The following SYNE1 variants were observed in gnomAD, a reference collection of about 807,000 sequenced individuals.
SYNE1 encodes the protein spectrin repeat containing nuclear envelope protein 1.
In SYNE1, 616 loss-of-function variants were observed where a neutral mutation model predicts 1,111.0. The ratio of observed to expected loss-of-function variants is 0.55; its 90% confidence interval spans 0.52 to 0.59. SYNE1 has a LOEUF of 0.59. Among genes scored for constraint, SYNE1 ranks in the 20% least tolerant of loss-of-function variants. SYNE1 has a pLI of 0.00. For synonymous variants in SYNE1, 3,855 were observed against 3,825.8 expected (o/e 1.01, Z -0.28); for missense variants, 10,006 against 10,417.0 (o/e 0.96, Z 1.72).
Position 152,268,135 on chromosome 6 carries a change from T to C in SYNE1, c.18736A>G (p.Ser6246Gly), listed in dbSNP as rs2092878722. The change falls in exon 100 of 146, where the codon AGT (serine) becomes GGT (glycine). Residue 6246 changes from serine to glycine, a missense_variant. Transcript: ENST00000367255. ...CGACTGGCTACTGAGCGAAGGAGAC[T>C]CTTCTGCTCGGCTAATTCCTGTTCT... ...ELEQELAEQK[S>G]LLRSVASRGE... 7 of 1,614,036 alleles carry C rather than the reference T, an allele frequency of 4.3e-6. No homozygotes were observed. Among genetic ancestry groups the C allele is most frequent in the African/African-American group, 1.3e-5 (1 of 74,928 alleles).
At chr6:152,476,172 G>T (rs752432858) in intron 14 of SYNE1, among the ~76,000 whole-genome samples, 2 of 152,052 alleles carry the variant, frequency 1.3e-5, no homozygotes, top group Non-Finnish European at 2.9e-5. Flanking sequence ...TCTCCAAGCT[G>T]TACTTCTTCC....
chr6:152,484,850 A>T lies in SYNE1; in HGVS notation c.1170T>A (p.Asp390Glu). The T allele has an allele frequency of 6.2e-7, 1 of 1,613,990 alleles. No homozygotes were observed. Among genetic ancestry groups the T allele is most frequent in the Non-Finnish European group, 8.5e-7 (1 of 1,179,950 alleles). ...LDQALVKQSW[D>E]RVTSRLFDWH... ...GAGAACTTACCCTGGAGGTCACTCTATCCCAAGATTGTTTTACCAATGCTT... is the reference window on the plus strand; with the variant it reads ...GAGAACTTACCCTGGAGGTCACTCTTTCCCAAGATTGTTTTACCAATGCTT... Residue 390 changes from aspartate to glutamate, a missense_variant, in exon 13 of 146, where the codon GAT becomes GAA. Asp to Glu is a conservative substitution (Grantham distance 45). Around this residue, in one of 7 missense-constraint regions of SYNE1, gnomAD observed 1,971 missense variants for 2,084.1 expected, o/e 0.95. Coordinates refer to ENST00000367255, the MANE Select transcript of SYNE1 (RefSeq NM_182961.4).
intron 4 of SYNE1, among the ~76,000 whole-genome samples, chr6:152,534,435 G>A (rs2099223721): frequency 6.6e-6 from 1 of 151,840 alleles, no homozygotes; most frequent in African/African-American, 2.4e-5. Flanking sequence ...AGAATGTTTA[G>A]GGTTGACAAA....
intron 101 of SYNE1, among the ~76,000 whole-genome samples, chr6:152,258,321 C>T (rs1027505246): frequency 6.6e-6 from 1 of 152,148 alleles, no homozygotes; most frequent in Non-Finnish European, 1.5e-5. Flanking sequence ...GTTATGAGCA[C>T]TGAGGAATTT....
intron 6 of SYNE1, among the ~76,000 whole-genome samples, chr6:152,513,967 G>T (rs2154341318): frequency 6.6e-6 from 1 of 152,292 alleles, no homozygotes; most frequent in African/African-American, 2.4e-5. Flanking sequence ...TTATTAAAAA[G>T]TCAGGAAACA....
intron 107 of SYNE1, among the ~76,000 whole-genome samples, chr6:152,240,871 A>G (rs1588523191): frequency 6.6e-6 from 1 of 152,046 alleles, no homozygotes; most frequent in Non-Finnish European, 1.5e-5. Context: ...GCACTGCAGA[A>G]CTCTCCCTCA....
At chr6:152,261,226 G>A (rs2091945580) in intron 101 of SYNE1, among the ~76,000 whole-genome samples, 1 of 152,186 alleles carries the variant, frequency 6.6e-6, no homozygotes, top group African/African-American at 2.4e-5. Context: ...GAGCCTAGAT[G>A]GACGCTGCTA....
In SYNE1 at chr6:152,280,102, C is replaced by G. The variant is rs187325344; in HGVS notation, c.18381+1705G>C. ...GGAAACAGCCTACAAAAATGAAGTGCCCAGACCCACAAAGGACATCACGTG... is the reference window on the plus strand; with the variant it reads ...GGAAACAGCCTACAAAAATGAAGTGGCCAGACCCACAAAGGACATCACGTG... On this transcript the variant is annotated intron_variant, in intron 97 of 145. Transcript: ENST00000367255. 1.6e-3 allele frequency among the ~76,000 whole-genome samples: 241 copies of G among 152,244 alleles called. 1 individual carries two copies. Among genetic ancestry groups the G allele is most frequent in the African/African-American group, 5.5e-3 (229 of 41,550 alleles).
In SYNE1 at chr6:152,239,625, C is replaced by T; in HGVS notation, c.19975G>A (p.Glu6659Lys). ...ATCAGCTCTGTATGGAACTGGGTTTCCTTTTGGACTGCAAAGCTGATTATC... is the reference window on the plus strand; with the variant it reads ...ATCAGCTCTGTATGGAACTGGGTTTTCTTTTGGACTGCAAAGCTGATTATC... ...RKIISFAVQK[E>K]TQFHTELMAQ... is the part of the protein sequence containing the mutation. The change falls in exon 108 of 146, where the codon GAA (glutamate) becomes AAA (lysine). Residue 6659 changes from glutamate to lysine, a missense_variant. Glu to Lys is a moderately conservative substitution (Grantham distance 56). This residue lies in a region of SYNE1 where 2,182 missense variants were observed against 2,287.8 expected (regional missense o/e 0.95). Coordinates refer to ENST00000367255, the MANE Select transcript of SYNE1 (RefSeq NM_182961.4). 3.1e-6 allele frequency: 5 copies of T among 1,614,166 alleles called. No individual in the cohort carries two copies. The highest frequency in any genetic ancestry group is 1.1e-5 in the South Asian group (1 of 91,072).
At chr6:152,495,576 A>G (rs1026074076) in intron 11 of SYNE1, among the ~76,000 whole-genome samples, 2 of 152,102 alleles carry the variant, frequency 1.3e-5, no homozygotes, top group African/African-American at 4.8e-5. Context: ...ACTCATTTCA[A>G]TCACCTGCTC....
chr6:152,232,020 A>T, intron 113 of SYNE1, 96 bp downstream of exon 113: 1 of 937,732 alleles, frequency 1.1e-6, no homozygotes, highest in Admixed American at 1.9e-5. Context: ...GGAAACATAC[A>T]TTCCAAGACT....
chr6:152,453,043 A>G (rs1215397766), intron 25 of SYNE1, among the ~76,000 whole-genome samples: 2 of 152,170 alleles, frequency 1.3e-5, no homozygotes, highest in African/African-American at 4.8e-5. Flanking sequence ...TGGATTTATC[A>G]TATTTATACT....
At chr6:152,161,436 T>C (rs2152997483) in intron 131 of SYNE1, among the ~76,000 whole-genome samples, 1 of 151,780 alleles carries the variant, frequency 6.6e-6, no homozygotes, top group Non-Finnish European at 1.5e-5. Context: ...ATTTTTCATA[T>C]ATTTATCTTT....
rs1235198872 is a variant in SYNE1 at position 152,268,064 on chromosome 6, A to G, written c.18807T>C (p.Gly6269=). The part of the protein sequence containing the change: ...LIQHSAAETS[G]DAGEKPDVLS... ...AGCATTTTGAAACATACCCAGCATC[A>G]CCAGAGGTCTCTGCCGCCGAATGTT... Residue 6269 remains glycine (G), a synonymous_variant, in exon 100 of 146, where the codon GGT becomes GGC. Coordinates refer to ENST00000367255, the MANE Select transcript of SYNE1 (RefSeq NM_182961.4). 1.9e-6 allele frequency: 3 copies of G among 1,613,558 alleles called. No homozygotes were observed. In the Middle Eastern group the frequency reaches 5.0e-4, roughly 266 times the overall value.
chr6:152,481,161 CT>C, intron 14 of SYNE1: 1 of 215,266 alleles, frequency 4.6e-6, no homozygotes, highest in South Asian at 7.1e-5. Context: ...GTTACATTGT[CT>C]GGCATTTTCT....
chr6:152,536,095 G>A (rs2099234788), intron 4 of SYNE1, among the ~76,000 whole-genome samples: 1 of 151,482 alleles, frequency 6.6e-6, no homozygotes, highest in African/African-American at 2.4e-5. Context: ...CAGAGAAGGG[G>A]AGATATCTCT....
Position 152,148,840 on chromosome 6 carries a change from C to A in SYNE1, c.24643-462G>T, listed in dbSNP as rs2059943620. Among the ~76,000 whole-genome samples the A allele has an allele frequency of 6.6e-6, 1 of 152,110 alleles. No homozygotes were observed. The highest frequency in any genetic ancestry group is 6.5e-5 in the Admixed American group (1 of 15,278). ...GCAATCTACTACCATGCCCACCACA[C>A]AACACCTACACACTGGCAAGGATCG... On this transcript the variant is annotated intron_variant, in intron 136 of 145. Coordinates refer to ENST00000367255, the MANE Select transcript of SYNE1 (RefSeq NM_182961.4). This position sits in a 1 kb window ranked among gnomAD's most constrained non-coding sequence, Gnocchi z 4.1.
rs2098415185 is a variant in SYNE1, at chr6:152,430,115, A to G, written c.4785T>C (p.His1595=). The change falls in exon 36 of 146, where the codon CAT becomes CAC. Residue 1595 remains histidine, a synonymous_variant. Coordinates refer to ENST00000367255, the MANE Select transcript of SYNE1 (RefSeq NM_182961.4). The stretch of plus-strand genomic sequence containing the variant: ...AAATGTTGAAGCATACTCTTACCAT[A>G]TGTTCTTGAAGAACTTTGTATGTTT... The part of the protein sequence containing the change: ...ATETYKVLQE[H]MDLCQALESL... 6.3e-7 allele frequency: 1 copy of G among 1,584,386 alleles called. No homozygotes were observed.
intron 145 of SYNE1, chr6:152,128,971 T>C (rs1027149980): frequency 1.3e-5 from 2 of 152,264 alleles, no homozygotes; most frequent in Non-Finnish European, 1.5e-5. Flanking sequence ...GTGAAGATTA[T>C]TTATGTTCCA....
Sources: gnomAD v4.1 joint callset for allele counts (sites outside exome capture counted in the v4.1 genomes callset) on GRCh38, gnomAD v4.1.1 for gene constraint, gnomAD v4.1.1 regional missense constraint, Gnocchi (gnomAD v3.1) non-coding constraint, MANE v1.5 for transcripts, NCBI Gene and HGNC (gene_info 2026-07-23, HGNC 2026-07-21) for gene names.